CHD7: variants seen among roughly 807,000 people sequenced by gnomAD.
CHD7 encodes chromodomain helicase DNA binding protein 7.
A neutral mutation model predicts 307.3 loss-of-function variants in CHD7; 24 were observed. That is an observed-to-expected ratio of 0.08 (90% CI 0.06 to 0.11). The LOEUF (loss-of-function observed/expected upper bound fraction) is 0.11, where lower values mean the gene tolerates loss of function less well. Among genes scored for constraint, CHD7 ranks in the 10% least tolerant of loss-of-function variants. CHD7 has a pLI of 1.00. For synonymous variants in CHD7, 1,363 were observed against 1,349.9 expected (o/e 1.01, Z -0.21); for missense variants, 3,106 against 3,727.1 (o/e 0.83, Z 4.34).
intron 24 of CHD7, 124 bp downstream of exon 24, chr8:60,848,728 G>A (rs766065247): frequency 1.3e-6 from 1 of 768,422 alleles, no homozygotes; most frequent in Non-Finnish European, 2.3e-6. Context: ...TTTGCATCTT[G>A]AATGCAGTAT....
chr8:60,686,427 A>G (rs1268816634), intron 1 of CHD7, among the ~76,000 whole-genome samples: 2 of 151,832 alleles, frequency 1.3e-5, no homozygotes, highest in South Asian at 2.1e-4. Context: ...GGTGTAAGAG[A>G]TCATTTCTAA....
intron 1 of CHD7, among the ~76,000 whole-genome samples, chr8:60,700,932 C>T (rs969738036): frequency 6.6e-5 from 10 of 152,198 alleles, no homozygotes; most frequent in African/African-American, 2.2e-4. Context: ...ACAAGTGGCA[C>T]GCTGCTCACA....
intron 1 of CHD7, among the ~76,000 whole-genome samples, chr8:60,688,939 A>T (rs1237201858): frequency 6.6e-6 from 1 of 152,108 alleles, no homozygotes; most frequent in Admixed American, 6.5e-5. Context: ...TTTACCATGT[A>T]AAGAGGAGAC....
At chr8:60,725,166 G>C (rs1808104175) in intron 1 of CHD7, among the ~76,000 whole-genome samples, 1 of 152,242 alleles carries the variant, frequency 6.6e-6, no homozygotes, top group Non-Finnish European at 1.5e-5. Flanking sequence ...CTCCCAGCTA[G>C]CAGCTTGAGT....
chr8:60,853,886 G>A (rs1041542365), intron 31 of CHD7, among the ~76,000 whole-genome samples: 31 of 152,274 alleles, frequency 2.0e-4, no homozygotes, highest in African/African-American at 7.2e-4. Context: ...TGCTTGTTAT[G>A]TTTTGATTCA....
chr8:60,785,196 C>A (rs1195430712), intron 3 of CHD7, among the ~76,000 whole-genome samples: 2 of 152,094 alleles, frequency 1.3e-5, no homozygotes, highest in Non-Finnish European at 2.9e-5. Context: ...GTCCATTTAG[C>A]TATATAAAGA....
intron 1 of CHD7, among the ~76,000 whole-genome samples, chr8:60,713,049 CAAAAAA>C (rs373922396): frequency 9.8e-6 from 1 of 102,160 alleles, no homozygotes; most frequent in Non-Finnish European, 1.9e-5. Flanking sequence ...AACTCTGTCT[CAAAAAA>C]AAAAAAAAAA....
At chr8:60,772,334 A>C (rs1047195178) in intron 2 of CHD7, among the ~76,000 whole-genome samples, 5 of 152,178 alleles carry the variant, frequency 3.3e-5, no homozygotes, top group African/African-American at 1.2e-4. Context: ...TTGACTTTTA[A>C]AATTCTTAGG....
rs747112804 is a variant in CHD7, at chr8:60,742,414, A to T, written c.982A>T (p.Met328Leu). ...LNQGLVNNTG[M>L]NQNLGLTNNT... ...TCAGGGATTAGTTAACAATACAGGG[A>T]TGAATCAAAATTTAGGCCTTACAAA... is the stretch of plus-strand genomic sequence containing the variant. Residue 328 changes from methionine (M) to leucine (L), a missense_variant, in exon 2 of 38, where the codon ATG becomes TTG. Physicochemically the swap from Met to Leu is conservative, Grantham distance 15. Transcript: ENST00000423902. The T allele has an allele frequency of 6.2e-7, 1 of 1,613,992 alleles. No individual in the cohort carries two copies. Among genetic ancestry groups the T allele is most frequent in the Non-Finnish European group, 8.5e-7 (1 of 1,179,868 alleles).
chr8:60,771,270 T>C (rs1237389619), intron 2 of CHD7, among the ~76,000 whole-genome samples: 3 of 152,262 alleles, frequency 2.0e-5, no homozygotes, highest in Admixed American at 2.0e-4. Flanking sequence ...TAGTTATTTA[T>C]TGTTATGTGA....
chr8:60,748,172 C>G (rs1327768671), intron 2 of CHD7, among the ~76,000 whole-genome samples: 1 of 152,064 alleles, frequency 6.6e-6, no homozygotes, highest in Non-Finnish European at 1.5e-5. Context: ...CAGCACTGAT[C>G]TTTAAAGTCA....
intron 3 of CHD7, among the ~76,000 whole-genome samples, chr8:60,788,840 ATTAGT>A (rs1383644785): frequency 6.6e-6 from 1 of 152,132 alleles, no homozygotes; most frequent in Non-Finnish European, 1.5e-5. Context: ...CCCCTTCCTC[ATTAGT>A]TTATTCTGTT....
chr8:60,723,235 T>A (rs1392312956), intron 1 of CHD7, among the ~76,000 whole-genome samples: 1 of 152,054 alleles, frequency 6.6e-6, no homozygotes, highest in African/African-American at 2.4e-5. Flanking sequence ...CGAATACTTA[T>A]TTTATTTTAT....
chr8:60,793,557 T>C (rs1811876371), intron 3 of CHD7, among the ~76,000 whole-genome samples: 1 of 152,224 alleles, frequency 6.6e-6, no homozygotes, highest in African/African-American at 2.4e-5. Flanking sequence ...ACATGACATA[T>C]GCTTTATTCT....
intron 3 of CHD7, among the ~76,000 whole-genome samples, chr8:60,793,774 T>C (rs1350322438): frequency 1.3e-5 from 2 of 152,198 alleles, no homozygotes; most frequent in African/African-American, 4.8e-5. Flanking sequence ...AAATCATTAC[T>C]GAGGTTGGAT....
intron 1 of CHD7, chr8:60,679,784 C>G (rs1184186394): frequency 6.7e-6 from 1 of 149,310 alleles, no homozygotes; most frequent in Non-Finnish European, 1.5e-5. Context: ...GGACCGCCAC[C>G]GAGCGAGGTG....
At chr8:60,858,204 C>G (rs188726858) in intron 34 of CHD7, among the ~76,000 whole-genome samples, 1 of 152,188 alleles carries the variant, frequency 6.6e-6, no homozygotes, top group Non-Finnish European at 1.5e-5. Flanking sequence ...TGCAGTGAAT[C>G]GAGATTGCAT....
At chr8:60,752,384 C>G (rs545284482) in intron 2 of CHD7, among the ~76,000 whole-genome samples, 6 of 152,306 alleles carry the variant, frequency 3.9e-5, no homozygotes, top group African/African-American at 9.6e-5. Flanking sequence ...TATTCATAGA[C>G]TGGCTGAAAC....
intron 34 of CHD7, 67 bp downstream of exon 34, chr8:60,856,955 C>T (rs1805747562): frequency 7.3e-7 from 1 of 1,369,328 alleles, no homozygotes. Flanking sequence ...GTGATGCTCA[C>T]GATGCTGGGC....
Sources: allele counts gnomAD v4.1 joint callset (sites outside exome capture counted in the v4.1 genomes callset), GRCh38; gene constraint gnomAD v4.1.1; transcripts MANE v1.5; gene names NCBI Gene and HGNC (gene_info 2026-07-23, HGNC 2026-07-21).